Variants in USP2 observed in about 807,000 individuals in gnomAD.
USP2 encodes the protein ubiquitin specific peptidase 2, also known as ubiquitin carboxyl-terminal hydrolase 2.
In USP2, 33 loss-of-function variants were observed where a neutral mutation model predicts 72.0. That is an observed-to-expected ratio of 0.46 (90% CI 0.35 to 0.61). The LOEUF is 0.61. Among genes scored for constraint, USP2 ranks in the 20% least tolerant of loss-of-function variants. The probability of loss-of-function intolerance (pLI) is 0.01; values close to 1 mark genes in which losing one functional copy is unlikely to be tolerated. For synonymous variants in USP2, 296 were observed against 312.5 expected, an observed-to-expected ratio of 0.95 and a Z score of 0.56; for missense variants, 691 against 797.8, an observed-to-expected ratio of 0.87 and a Z score of 1.61.
rs768973963 is a variant in USP2 at position 119,357,348 on chromosome 11, C to CCCCGACTT, written c.1610-49_1610-42dup. On this transcript the variant is annotated intron_variant, in intron 11 of 12. Coordinates refer to ENST00000260187, the MANE Select transcript of USP2 (RefSeq NM_004205.5). The stretch of plus-strand genomic sequence containing the variant: ...CCGTCAAGCCCCCGAGGCCCCCCTG[C>CCCCGACTT]CCCGACTTCCCCCCTCCAACCTCTC... 11 of 1,599,280 alleles carry CCCCGACTT rather than the reference C, an allele frequency of 6.9e-6. No individual in the cohort carries two copies. In the African/African-American group the frequency reaches 1.5e-4, roughly 22 times the overall value.
chr11:119,361,005 G>C (rs1039831649), intron 2 of USP2, among the ~76,000 whole-genome samples: 1 of 152,308 alleles, frequency 6.6e-6, no homozygotes, highest in African/African-American at 2.4e-5. Context: ...GTTTTGAAAA[G>C]TTAAACAACA....
chr11:119,373,767 C>T (rs1307849003), intron 1 of USP2, among the ~76,000 whole-genome samples: 6 of 152,132 alleles, frequency 3.9e-5, no homozygotes, highest in African/African-American at 9.7e-5. Flanking sequence ...AGGAAGTCAG[C>T]GCATCCTGGC....
intron 1 of USP2, 58 bp from the exon 2 acceptor site, chr11:119,373,579 A>T: frequency 7.1e-7 from 1 of 1,417,282 alleles, no homozygotes; most frequent in Non-Finnish European, 9.3e-7. Context: ...GCTCCCACAG[A>T]CCTGCTCCCC....
At position 119,356,589 on chromosome 11, in the gene USP2, G is replaced by A. The variant is rs1406108647; in HGVS notation, c.*246C>T. 3.9e-6 allele frequency: 2 copies of A among 514,862 alleles called. No homozygotes were observed. The highest frequency in any genetic ancestry group is 6.7e-5 in the East Asian group (2 of 29,980). The allele number at this position is 514,862 out of a possible 1,614,324, so 31.9% of individuals were successfully genotyped here. ...AGACCACAAGTTTACAAATGCAAAC[G>A]CCGAGGGCACGGGGCGATGCTGGCT... On this transcript the variant is annotated 3_prime_UTR_variant, in exon 13 of 13. Transcript: ENST00000260187.
Position 119,357,243 on chromosome 11 carries a change from A to G in USP2, c.1674T>C (p.Tyr558=), listed in dbSNP as rs1950679608. Residue 558 remains tyrosine (Y), a synonymous_variant, in exon 12 of 13, where the codon TAT becomes TAC. Coordinates refer to ENST00000260187, the MANE Select transcript of USP2 (RefSeq NM_004205.5). ...TCCCTGGACTGCGACAGTAGGCTGTATAGTGGCCACCCATGGTGGTTCCGG... is the reference window on the plus strand; with the variant it reads ...TCCCTGGACTGCGACAGTAGGCTGTGTAGTGGCCACCCATGGTGGTTCCGG... ...NHSGTTMGGH[Y]TAYCRSPGTG... 6.2e-7 allele frequency: 1 copy of G among 1,613,468 alleles called. No individual in the cohort carries two copies. The highest frequency in any genetic ancestry group is 8.5e-7 in the Non-Finnish European group (1 of 1,179,882).
At chr11:119,379,061 A>C in intron 1 of USP2, 1 of 985,616 alleles carries the variant, frequency 1.0e-6, no homozygotes, top group Non-Finnish European at 1.2e-6. Context: ...CCAGCAGGGC[A>C]GGGAATGCAG....
At chr11:119,369,053 TG>T (rs1950892365) in intron 2 of USP2, among the ~76,000 whole-genome samples, 1 of 152,168 alleles carries the variant, frequency 6.6e-6, no homozygotes, top group African/African-American at 2.4e-5. Context: ...CTGGGGCTCC[TG>T]GGTCTCTGCA....
chr11:119,370,497 A>T (rs1454954482), intron 2 of USP2, among the ~76,000 whole-genome samples: 1 of 152,216 alleles, frequency 6.6e-6, no homozygotes, highest in African/African-American at 2.4e-5. Context: ...AGATCCCCAG[A>T]TGGAGATCTA....
In USP2 at chr11:119,356,552, T is replaced by C. The variant is rs916161415; in HGVS notation, c.*283A>G. On this transcript the variant is annotated 3_prime_UTR_variant, in exon 13 of 13. Transcript: ENST00000260187. ...TTCCCCCCCAAGACACAGTTGTTTC[T>C]GACACATAGGAAGACCACAAGTTTA... is the stretch of plus-strand genomic sequence containing the variant. 2.6e-6 allele frequency: 1 copy of C among 390,746 alleles called. No individual in the cohort carries two copies. The highest frequency in any genetic ancestry group is 4.2e-5 in the Admixed American group (1 of 23,910). The allele number at this position is 390,746 out of a possible 1,614,324, so 24.2% of individuals were successfully genotyped here.
Position 119,373,438 on chromosome 11 carries a change from C to T in USP2, c.43G>A (p.Ala15Thr). ...GCATAGTGGGCATCTGTGTAGCGGG[C>T]CGATTCTGTGTAGCGCTTCAGGGTG... The part of the protein sequence containing the change: ...SSTLKRYTES[A>T]RYTDAHYAKS... The change falls in exon 2 of 13, where the codon GCC (alanine) becomes ACC (threonine). Residue 15 changes from alanine (A) to threonine (T), a missense_variant. Transcript: ENST00000260187. 1.2e-6 allele frequency: 2 copies of T among 1,600,036 alleles called. No individual in the cohort carries two copies. The highest frequency in any genetic ancestry group is 2.7e-5 in the African/African-American group (2 of 74,984).
At position 119,358,022 on chromosome 11, in the gene USP2, G is replaced by A; in HGVS notation, c.1381C>T (p.Leu461Phe). The A allele has an allele frequency of 6.2e-7, 1 of 1,614,200 alleles. No homozygotes were observed. Among genetic ancestry groups the A allele is most frequent in the Non-Finnish European group, 8.5e-7 (1 of 1,180,044 alleles). ...PEVTLMDCMR[L>F]FTKEDVLDGD... Reference sequence around the variant, plus strand: ...TCAAGCACATCCTCTTTGGTGAAGAGCCTCATGCAGTCCATTAATGTCACC... The same window carrying A: ...TCAAGCACATCCTCTTTGGTGAAGAACCTCATGCAGTCCATTAATGTCACC... The change falls in exon 9 of 13, where the codon CTC becomes TTC. Residue 461 changes from leucine to phenylalanine, a missense_variant. Leu to Phe is a conservative substitution (Grantham distance 22). Transcript: ENST00000260187.
At chr11:119,366,666 C>T (rs1016553523) in intron 2 of USP2, among the ~76,000 whole-genome samples, 1 of 151,990 alleles carries the variant, frequency 6.6e-6, no homozygotes, top group African/African-American at 2.4e-5. Context: ...CCAGACCAGG[C>T]TCTGCTAGGA....
At chr11:119,360,417 C>A (rs553312283) in intron 2 of USP2, 183 bp from the exon 3 acceptor site, 16 of 673,250 alleles carry the variant, frequency 2.4e-5, no homozygotes, top group Non-Finnish European at 4.1e-5. Context: ...CTGTGATTTT[C>A]TTTTCTTTTC....
Position 119,364,278 on chromosome 11 carries a change from CCA to C in USP2, c.775-4046_775-4045del, listed in dbSNP as rs1491564710. ...GCGGGGCCAGGCCCTAAGCCCCGCC[CCA>C]CCTCGCCTCTACCCCGCCCCCGGCG... On this transcript the variant is annotated intron_variant, in intron 2 of 12. Transcript: ENST00000260187. 3 of 772,884 alleles carry C rather than the reference CCA, an allele frequency of 3.9e-6. No homozygotes were observed. The African/African-American group carries it at 5.6e-5, about 14-fold the overall frequency. The allele number at this position is 772,884 out of a possible 1,614,324, so 47.9% of individuals were successfully genotyped here. A position where few individuals can be genotyped will look rare whatever the true frequency, so the allele number is the denominator to read the frequency against.
At chr11:119,381,404 C>T in intron 1 of USP2, 69 bp downstream of exon 1, 1 of 1,497,822 alleles carries the variant, frequency 6.7e-7, no homozygotes. Context: ...GGACACCTTA[C>T]TTTCTGAGCT....
chr11:119,358,718 C>G, intron 7 of USP2, 55 bp downstream of exon 7: 1 of 1,596,864 alleles, frequency 6.3e-7, no homozygotes, highest in Non-Finnish European at 8.6e-7. Context: ...TCATGCTCCA[C>G]TCAGGCAAGA....
chr11:119,372,407 A>G (rs1306555654), intron 2 of USP2, among the ~76,000 whole-genome samples: 1 of 152,232 alleles, frequency 6.6e-6, no homozygotes, highest in Non-Finnish European at 1.5e-5. Flanking sequence ...CATGTCACAT[A>G]GAAAAGGAGA....
chr11:119,378,830 C>G (rs948829875), intron 1 of USP2, among the ~76,000 whole-genome samples: 1 of 152,214 alleles, frequency 6.6e-6, no homozygotes, highest in Non-Finnish European at 1.5e-5. Context: ...CTCCTTCCTT[C>G]TCCTCTAGGG....
At chr11:119,379,974 G>A (rs983539727) in intron 1 of USP2, among the ~76,000 whole-genome samples, 3 of 145,872 alleles carry the variant, frequency 2.1e-5, no homozygotes, top group African/African-American at 7.7e-5. Flanking sequence ...CAGTGCAGTG[G>A]CGCGATCTTG....
Sources: allele counts gnomAD v4.1 joint callset (sites outside exome capture counted in the v4.1 genomes callset), GRCh38; gene constraint gnomAD v4.1.1; transcripts MANE v1.5; gene names NCBI Gene and HGNC (gene_info 2026-07-23, HGNC 2026-07-21).